GRID2: variants seen among roughly 807,000 people sequenced by gnomAD.
GRID2 encodes glutamate receptor ionotropic, delta-2.
GRID2 carries 33 observed loss-of-function variants against 114.8 expected under a neutral mutation model. That is an observed-to-expected ratio of 0.29 (90% confidence interval 0.22 to 0.38). GRID2 has a LOEUF of 0.38. Among genes scored for constraint, GRID2 ranks in the 10% least tolerant of loss-of-function variants. The pLI is 1.00. For missense variants in GRID2, 1,184 were observed against 1,257.7 expected, an observed-to-expected ratio of 0.94 and a Z score of 0.89; for synonymous variants, 505 against 449.9, an observed-to-expected ratio of 1.12 and a Z score of -1.55.
At chr4:92,709,950 G>T (rs1237215064) in intron 2 of GRID2, among the ~76,000 whole-genome samples, 3 of 152,028 alleles carry the variant, frequency 2.0e-5, no homozygotes, top group South Asian at 4.2e-4. Context: ...TATGTAACAG[G>T]TTGTCTTTTT....
intron 1 of GRID2, among the ~76,000 whole-genome samples, chr4:92,398,930 A>G (rs1190384936): frequency 2.6e-5 from 4 of 152,160 alleles, no homozygotes; most frequent in Non-Finnish European, 5.9e-5. Context: ...TAGTAAAAGG[A>G]TCAGATAGTC....
intron 2 of GRID2, among the ~76,000 whole-genome samples, chr4:92,703,754 G>T (rs1423506626): frequency 6.6e-6 from 1 of 151,678 alleles, no homozygotes; most frequent in Non-Finnish European, 1.5e-5. Flanking sequence ...AACAATAATT[G>T]AGAGCTATTT....
chr4:92,745,762 T>G (rs1737122025), intron 2 of GRID2, among the ~76,000 whole-genome samples: 1 of 152,142 alleles, frequency 6.6e-6, no homozygotes, highest in South Asian at 2.1e-4. Flanking sequence ...GGTTTCAGTT[T>G]AGATATATTG....
chr4:92,490,165 G>A (rs1031482005), intron 1 of GRID2, among the ~76,000 whole-genome samples: 4 of 151,968 alleles, frequency 2.6e-5, no homozygotes, highest in African/African-American at 9.7e-5. Context: ...AAAACTTTTT[G>A]GCTCTATGTT....
At position 93,034,629 on chromosome 4, in the gene GRID2, AT is replaced by A. The variant is rs750472067; in HGVS notation, c.245-50363del. ...ATGTCCCAACAAGTGTGTGACCTTT[AT>A]TTAGTGCAGGCTAGACATTATATTA... On this transcript the variant is annotated intron_variant, in intron 2 of 15. Coordinates refer to ENST00000282020, the MANE Select transcript of GRID2 (RefSeq NM_001510.4). Among the ~76,000 whole-genome samples the A allele has an allele frequency of 5.9e-5, 9 of 152,104 alleles. No homozygotes were observed. The East Asian group carries it at 9.6e-4, about 16-fold the overall frequency.
At chr4:92,704,938 T>C (rs1734887171) in intron 2 of GRID2, among the ~76,000 whole-genome samples, 1 of 152,160 alleles carries the variant, frequency 6.6e-6, no homozygotes, top group African/African-American at 2.4e-5. Flanking sequence ...TATATCTTAA[T>C]TATTCTATAA....
At chr4:92,415,773 T>TATACAC (rs1477328744) in intron 1 of GRID2, among the ~76,000 whole-genome samples, 6 of 129,388 alleles carry the variant, frequency 4.6e-5, no homozygotes, top group African/African-American at 1.3e-4. Flanking sequence ...TATATATATA[T>TATACAC]ATATATATCA....
chr4:92,417,734 C>G (rs953091958), intron 1 of GRID2, among the ~76,000 whole-genome samples: 1 of 152,094 alleles, frequency 6.6e-6, no homozygotes, highest in Non-Finnish European at 1.5e-5. Context: ...TGGTTTGGCT[C>G]TGTGTCCCCA....
chr4:93,485,467 A>T (rs1443188657), intron 11 of GRID2, among the ~76,000 whole-genome samples: 4 of 151,672 alleles, frequency 2.6e-5, no homozygotes, highest in Non-Finnish European at 5.9e-5. Context: ...AAACTTGTGG[A>T]TATATTCTCC....
intron 1 of GRID2, among the ~76,000 whole-genome samples, chr4:92,417,604 T>C (rs1731684135): frequency 6.6e-6 from 1 of 152,174 alleles, no homozygotes; most frequent in Non-Finnish European, 1.5e-5. Flanking sequence ...AAGCACTATA[T>C]ATAATAGTGT....
chr4:92,897,744 A>G (rs1324419823), intron 2 of GRID2, among the ~76,000 whole-genome samples: 1 of 152,234 alleles, frequency 6.6e-6, no homozygotes, highest in Non-Finnish European at 1.5e-5. Context: ...CAACGAAAAA[A>G]GGAAATGAAA....
rs115359004 is a variant in GRID2, at chr4:93,002,760, A to G, written c.245-82235A>G. On this transcript the variant is annotated intron_variant, in intron 2 of 15. Coordinates refer to ENST00000282020, the MANE Select transcript of GRID2 (RefSeq NM_001510.4). Reference sequence around the variant, plus strand: ...TATGATGGCTGTAACAAATTACCACAGGCTCTGTGGCATAAAACAGTGCTT... The same window carrying G: ...TATGATGGCTGTAACAAATTACCACGGGCTCTGTGGCATAAAACAGTGCTT... Among the ~76,000 whole-genome samples, 164 of 151,984 alleles carry G rather than the reference A, an allele frequency of 1.1e-3. 1 individual carries two copies. The highest frequency in any genetic ancestry group is 3.8e-3 in the African/African-American group (156 of 41,528).
At chr4:92,779,964 T>A (rs1424905198) in intron 2 of GRID2, among the ~76,000 whole-genome samples, 1 of 151,508 alleles carries the variant, frequency 6.6e-6, no homozygotes, top group African/African-American at 2.4e-5. Context: ...AACTACAGCA[T>A]GTGATACTAA....
intron 14 of GRID2, among the ~76,000 whole-genome samples, chr4:93,660,835 C>G (rs184579044): frequency 3.9e-5 from 6 of 152,182 alleles, no homozygotes; most frequent in African/African-American, 1.4e-4. Flanking sequence ...GCAGATAATA[C>G]AAAGACAGGC....
chr4:92,755,444 T>C (rs1237302304), intron 2 of GRID2, among the ~76,000 whole-genome samples: 1 of 152,078 alleles, frequency 6.6e-6, no homozygotes, highest in African/African-American at 2.4e-5. Flanking sequence ...GATAAGCAGA[T>C]AAAGCAATGC....
chr4:92,645,565 T>C (rs1029029412), intron 2 of GRID2, among the ~76,000 whole-genome samples: 1 of 151,748 alleles, frequency 6.6e-6, no homozygotes, highest in African/African-American at 2.4e-5. Context: ...GATACATCTA[T>C]GTACCTGAGT....
chr4:93,102,058 AT>A lies in GRID2; in HGVS notation c.530-8689del, dbSNP rs573902926. Reference sequence around the variant, plus strand: ...TATCAGATGTTTGCTTTAAAAAAAAATGTATTAATCAAGACCCTTTCTCTTA... The same window carrying A: ...TATCAGATGTTTGCTTTAAAAAAAAAGTATTAATCAAGACCCTTTCTCTTA... On this transcript the variant is annotated intron_variant, in intron 3 of 15. Transcript: ENST00000282020. Among the ~76,000 whole-genome samples the A allele has an allele frequency of 3.9e-5, 6 of 152,268 alleles. No individual in the cohort carries two copies. The East Asian group carries it at 5.8e-4, about 15-fold the overall frequency.
intron 1 of GRID2, among the ~76,000 whole-genome samples, chr4:92,344,932 T>A (rs1035249388): frequency 3.9e-5 from 6 of 152,162 alleles, no homozygotes; most frequent in African/African-American, 1.4e-4. Flanking sequence ...AGTTTTTGTT[T>A]ACATGGATAA....
At chr4:92,759,198 A>G (rs1188845865) in intron 2 of GRID2, among the ~76,000 whole-genome samples, 1 of 152,184 alleles carries the variant, frequency 6.6e-6, no homozygotes, top group Non-Finnish European at 1.5e-5. Context: ...ATTCATAAAC[A>G]AACAGGTAGT....
Sources: allele counts gnomAD v4.1 joint callset (sites outside exome capture counted in the v4.1 genomes callset), GRCh38; gene constraint gnomAD v4.1.1; transcripts MANE v1.5; gene names NCBI Gene and HGNC (gene_info 2026-07-23, HGNC 2026-07-21).